The following LNX1 variants were observed in gnomAD, a reference collection of about 807,000 sequenced individuals.
LNX1 encodes E3 ubiquitin-protein ligase LNX.
LNX1 carries 54 observed loss-of-function variants against 68.4 expected under a neutral mutation model. That is an observed-to-expected ratio of 0.79 (90% CI 0.63 to 0.99). The LOEUF is 0.99. Among genes scored for constraint, LNX1 ranks in the 50% least tolerant of loss-of-function variants. LNX1 has a pLI of 0.00. For missense variants in LNX1, 906 were observed against 926.4 expected (o/e 0.98, Z 0.29); for synonymous variants, 336 against 350.0 (o/e 0.96, Z 0.45).
At chr4:53,583,966 AACAACAACG>A (rs1327143459) in intron 1 of LNX1, among the ~76,000 whole-genome samples, 49 of 150,614 alleles carry the variant, frequency 3.3e-4, no homozygotes, top group African/African-American at 4.2e-4. Context: ...CAACAACAAC[AACAACAACG>A]ACAAATGAAG....
chr4:53,488,814 C>T (rs746484419), intron 6 of LNX1, among the ~76,000 whole-genome samples: 4 of 151,948 alleles, frequency 2.6e-5, no homozygotes, highest in Non-Finnish European at 5.9e-5. Context: ...GCATCAGAAC[C>T]GAATGATATG....
chr4:53,507,842 C>G, intron 3 of LNX1, 144 bp downstream of exon 3: 1 of 1,075,638 alleles, frequency 9.3e-7, no homozygotes, highest in Non-Finnish European at 1.3e-6. Context: ...TTCACTTTGG[C>G]GAATTGGACA....
chr4:53,624,608 G>T (rs778223406), intron 1 of LNX1, among the ~76,000 whole-genome samples: 1 of 152,108 alleles, frequency 6.6e-6, no homozygotes, highest in Non-Finnish European at 1.5e-5. Context: ...TCTCTTTGGT[G>T]CAACTTCATG....
intron 2 of LNX1, among the ~76,000 whole-genome samples, chr4:53,544,622 A>G (rs1728977226): frequency 6.6e-6 from 1 of 152,238 alleles, no homozygotes; most frequent in Non-Finnish European, 1.5e-5. Context: ...GTGGTAAGAC[A>G]CCAGCACTGC....
chr4:53,508,739 C>G (rs1330449013), intron 2 of LNX1, among the ~76,000 whole-genome samples: 1 of 152,220 alleles, frequency 6.6e-6, no homozygotes, highest in Non-Finnish European at 1.5e-5. Context: ...GTGAGTTCAG[C>G]ATTGCTATCC....
At chr4:53,485,162 C>G (rs1724200626) in intron 6 of LNX1, among the ~76,000 whole-genome samples, 1 of 152,152 alleles carries the variant, frequency 6.6e-6, no homozygotes, top group Admixed American at 6.5e-5. Context: ...ATAAGATTAT[C>G]TTTGGGAACT....
At chr4:53,540,478 T>C (rs919109623) in intron 2 of LNX1, among the ~76,000 whole-genome samples, 1 of 151,938 alleles carries the variant, frequency 6.6e-6, no homozygotes, top group Non-Finnish European at 1.5e-5. Flanking sequence ...TAAAAATAAG[T>C]GTTATTAGCC....
At chr4:53,483,757 T>C (rs1724104589) in intron 6 of LNX1, among the ~76,000 whole-genome samples, 1 of 152,226 alleles carries the variant, frequency 6.6e-6, no homozygotes, top group Non-Finnish European at 1.5e-5. Context: ...GCCAGCTTTC[T>C]TCCTATACAG....
At chr4:53,570,577 G>A (rs1577732804) in intron 2 of LNX1, among the ~76,000 whole-genome samples, 1 of 151,320 alleles carries the variant, frequency 6.6e-6, no homozygotes, top group African/African-American at 2.4e-5. Flanking sequence ...TGACGAGTTA[G>A]TGGGTGCAGC....
At chr4:53,571,069 C>G (rs560767495) in intron 2 of LNX1, among the ~76,000 whole-genome samples, 25 of 150,800 alleles carry the variant, frequency 1.7e-4, no homozygotes, top group East Asian at 7.8e-4. Context: ...GATGGAGTCT[C>G]GCTCTGTCAC....
chr4:53,564,189 G>A (rs1418652299), intron 2 of LNX1, among the ~76,000 whole-genome samples: 1 of 152,188 alleles, frequency 6.6e-6, no homozygotes, highest in Non-Finnish European at 1.5e-5. Context: ...TCTATCTCAG[G>A]CTTCCTTGAG....
intron 2 of LNX1, among the ~76,000 whole-genome samples, chr4:53,558,710 T>C (rs1268612131): frequency 6.6e-6 from 1 of 152,190 alleles, no homozygotes; most frequent in African/African-American, 2.4e-5. Flanking sequence ...AGGTTCCTGT[T>C]TGGTGAGGAA....
intron 4 of LNX1, among the ~76,000 whole-genome samples, chr4:53,499,705 C>T (rs2109482818): frequency 6.6e-6 from 1 of 152,302 alleles, no homozygotes; most frequent in South Asian, 2.1e-4. Flanking sequence ...AAATTTCTTC[C>T]TTAAAGACTC....
At chr4:53,567,973 A>G (rs1339018533) in intron 2 of LNX1, among the ~76,000 whole-genome samples, 3 of 152,108 alleles carry the variant, frequency 2.0e-5, no homozygotes, top group African/African-American at 7.3e-5. Flanking sequence ...GAATAGACCA[A>G]TAACAGGATC....
At chr4:53,490,009 T>G (rs755446317) in intron 6 of LNX1, among the ~76,000 whole-genome samples, 26 of 152,138 alleles carry the variant, frequency 1.7e-4, no homozygotes, top group Non-Finnish European at 2.9e-4. Flanking sequence ...GGTATGGCAA[T>G]GCAAATAGTC....
chr4:53,546,297 G>T (rs1386277017), intron 2 of LNX1, among the ~76,000 whole-genome samples: 2 of 152,172 alleles, frequency 1.3e-5, no homozygotes, highest in Non-Finnish European at 2.9e-5. Flanking sequence ...TTCAAAATTG[G>T]TCGAGGAAAT....
In LNX1 at chr4:53,579,879, C is replaced by A. The variant is rs1410139326; in HGVS notation, c.-86-5791G>T. ...TTGGCATGTGGCAACGATAATTTTA[C>A]GTGTTCTTCCCATTGAAAGGACAAG... On this transcript the variant is annotated intron_variant, in intron 1 of 10. Coordinates refer to ENST00000263925, the MANE Select transcript of LNX1 (RefSeq NM_001126328.3). Among the ~76,000 whole-genome samples the A allele has an allele frequency of 1.3e-5, 2 of 152,304 alleles. 1 individual carries two copies. The highest frequency in any genetic ancestry group is 4.1e-4 in the South Asian group (2 of 4,824).
intron 4 of LNX1, among the ~76,000 whole-genome samples, chr4:53,504,957 A>C (rs975788872): frequency 1.3e-5 from 2 of 152,236 alleles, no homozygotes; most frequent in Non-Finnish European, 2.9e-5. Flanking sequence ...ATAATGAAAA[A>C]GTTTGAGATG....
intron 1 of LNX1, among the ~76,000 whole-genome samples, chr4:53,585,932 T>C (rs1560682139): frequency 6.6e-6 from 1 of 152,074 alleles, no homozygotes; most frequent in East Asian, 1.9e-4. Context: ...ATGGGGTGAA[T>C]GCTCCCAACG....
Sources: gnomAD v4.1 joint callset for allele counts (sites outside exome capture counted in the v4.1 genomes callset) on GRCh38, gnomAD v4.1.1 for gene constraint, MANE v1.5 for transcripts, NCBI Gene and HGNC (gene_info 2026-07-23, HGNC 2026-07-21) for gene names.